TRAPPC9: variants seen among roughly 807,000 people sequenced by gnomAD.
TRAPPC9 encodes the protein IKK2 binding protein.
Under a neutral mutation model 124.0 loss-of-function variants are expected in TRAPPC9, and 83 were observed. That is an observed-to-expected ratio of 0.67 (90% confidence interval 0.56 to 0.80). The LOEUF is 0.80. Among genes scored for constraint, TRAPPC9 ranks in the 30% least tolerant of loss-of-function variants. The probability of loss-of-function intolerance (pLI) is 0.00; values close to 1 mark genes in which losing one functional copy is unlikely to be tolerated. For missense variants in TRAPPC9, 1,302 were observed against 1,508.3 expected (o/e 0.86, Z 2.27); for synonymous variants, 638 against 617.5 (o/e 1.03, Z -0.49).
At chr8:139,871,495 A>G (rs1380527601) in intron 21 of TRAPPC9, among the ~76,000 whole-genome samples, 3 of 152,224 alleles carry the variant, frequency 2.0e-5, no homozygotes, top group Non-Finnish European at 2.9e-5. Flanking sequence ...CACTAGGAGC[A>G]CACCAGTTGG....
chr8:140,367,245 T>C (rs1272804047), intron 8 of TRAPPC9, among the ~76,000 whole-genome samples: 2 of 152,202 alleles, frequency 1.3e-5, no homozygotes, highest in Non-Finnish European at 2.9e-5. Context: ...AGCTGAAAAC[T>C]TATATCCACA....
chr8:140,101,302 AT>A (rs1229458968), intron 17 of TRAPPC9, among the ~76,000 whole-genome samples: 2 of 151,326 alleles, frequency 1.3e-5, no homozygotes, highest in Non-Finnish European at 2.9e-5. Flanking sequence ...ACGATGCCTA[AT>A]TTTTGTATTT....
intron 21 of TRAPPC9, among the ~76,000 whole-genome samples, chr8:139,777,989 A>G (rs1473268019): frequency 6.6e-6 from 1 of 152,118 alleles, no homozygotes; most frequent in Non-Finnish European, 1.5e-5. Flanking sequence ...CTGACGGGGA[A>G]GGAAGGGAGA....
intron 19 of TRAPPC9, among the ~76,000 whole-genome samples, chr8:139,967,955 A>G (rs1200110931): frequency 2.0e-5 from 3 of 152,118 alleles, no homozygotes; most frequent in African/African-American, 7.2e-5. Flanking sequence ...TCTGGCGAAC[A>G]TGGTGAAACC....
intron 2 of TRAPPC9, among the ~76,000 whole-genome samples, chr8:140,450,305 G>A (rs755299334): frequency 1.3e-4 from 20 of 152,256 alleles, no homozygotes; most frequent in Non-Finnish European, 2.2e-4. Context: ...ACGTTGCACT[G>A]AGCCAAGATC....
chr8:140,344,530 G>A (rs944078566), intron 9 of TRAPPC9, among the ~76,000 whole-genome samples: 8 of 152,182 alleles, frequency 5.3e-5, no homozygotes, highest in African/African-American at 1.9e-4. Flanking sequence ...ATCTAGCAAG[G>A]AGGGAGACTG....
At chr8:140,256,119 G>A (rs1588024191) in intron 15 of TRAPPC9, among the ~76,000 whole-genome samples, 4 of 152,154 alleles carry the variant, frequency 2.6e-5, no homozygotes, top group Admixed American at 2.6e-4. Context: ...ACAAAACACT[G>A]GTCGCTTTGG....
At chr8:139,781,298 T>C (rs1441531138) in intron 21 of TRAPPC9, among the ~76,000 whole-genome samples, 3 of 152,052 alleles carry the variant, frequency 2.0e-5, no homozygotes, top group East Asian at 1.9e-4. Context: ...ACTGTACTTA[T>C]AGACAATGAA....
chr8:140,457,883 A>G, upstream of TRAPPC9: 1 of 663,730 alleles, frequency 1.5e-6, no homozygotes, highest in Non-Finnish European at 2.0e-6. Context: ...AGCGAGGGAG[A>G]GAAGAGGGGA....
At chr8:140,236,245 G>A (rs1326528494) in intron 16 of TRAPPC9, among the ~76,000 whole-genome samples, 2 of 152,062 alleles carry the variant, frequency 1.3e-5, no homozygotes, top group Non-Finnish European at 2.9e-5. Flanking sequence ...ACCATGCCCA[G>A]CTAATTTTTA....
At chr8:140,171,312 A>T (rs2061960062) in intron 17 of TRAPPC9, among the ~76,000 whole-genome samples, 1 of 152,254 alleles carries the variant, frequency 6.6e-6, no homozygotes. Flanking sequence ...ATATAGGTAA[A>T]GAAAAATACT....
intron 17 of TRAPPC9, among the ~76,000 whole-genome samples, chr8:140,113,837 T>C (rs551849695): frequency 6.6e-6 from 1 of 152,312 alleles, no homozygotes; most frequent in East Asian, 1.9e-4. Context: ...CAACCTTTAA[T>C]TGGCCCTCAA....
rs934573385 is a variant in TRAPPC9, at chr8:140,212,092, C to A, written c.2556+9367G>T. Among the ~76,000 whole-genome samples, 11 of 152,214 alleles carry A rather than the reference C, an allele frequency of 7.2e-5. No homozygotes were observed. The East Asian group carries it at 2.1e-3, about 29-fold the overall frequency. On this transcript the variant is annotated intron_variant, in intron 17 of 22. Coordinates refer to ENST00000438773, the MANE Select transcript of TRAPPC9 (RefSeq NM_001160372.4). Reference sequence around the variant, plus strand: ...AAAGGAAGTGAGCAAGAAGGCCCAGCCAAGCAAAGAGCCTGCGCTCAGGAC... The same window carrying A: ...AAAGGAAGTGAGCAAGAAGGCCCAGACAAGCAAAGAGCCTGCGCTCAGGAC...
chr8:140,229,452 G>A (rs1191701203), intron 16 of TRAPPC9, among the ~76,000 whole-genome samples: 1 of 151,578 alleles, frequency 6.6e-6, no homozygotes, highest in Non-Finnish European at 1.5e-5. Flanking sequence ...TTTTAGTAGA[G>A]ATGGGGTTTC....
chr8:140,397,817 C>G, intron 6 of TRAPPC9, 72 bp from the exon 7 acceptor site: 6 of 1,590,370 alleles, frequency 3.8e-6, no homozygotes, highest in Non-Finnish European at 5.1e-6. Flanking sequence ...AAAGGCTGTG[C>G]TACTGGGACT....
At chr8:140,033,658 G>GTTTTTTTTTTTTTTTTTTTGT (rs1840652480) in intron 17 of TRAPPC9, among the ~76,000 whole-genome samples, 1 of 42,366 alleles carries the variant, frequency 2.4e-5, no homozygotes. Flanking sequence ...TCATAATGTG[G>GTTTTTTTTTTTTTTTTTTTGT]TTTTTTTTTT....
intron 21 of TRAPPC9, among the ~76,000 whole-genome samples, chr8:139,809,656 C>A (rs999097947): frequency 2.6e-5 from 4 of 152,144 alleles, no homozygotes; most frequent in Non-Finnish European, 1.5e-5. Flanking sequence ...GATCTTCCTG[C>A]TCTCCCTGCA....
chr8:139,990,441 TCA>T (rs905431049), intron 18 of TRAPPC9, among the ~76,000 whole-genome samples: 7 of 151,964 alleles, frequency 4.6e-5, no homozygotes, highest in Non-Finnish European at 1.0e-4. Flanking sequence ...GCCCAGAAGT[TCA>T]CACACACACA....
At chr8:140,060,890 T>C (rs1382773398) in intron 17 of TRAPPC9, among the ~76,000 whole-genome samples, 1 of 152,246 alleles carries the variant, frequency 6.6e-6, no homozygotes, top group African/African-American at 2.4e-5. Context: ...CATGTCCAGA[T>C]GGGCTGAATT....
Sources: allele counts gnomAD v4.1 joint callset (sites outside exome capture counted in the v4.1 genomes callset), GRCh38; gene constraint gnomAD v4.1.1; transcripts MANE v1.5; gene names NCBI Gene and HGNC (gene_info 2026-07-23, HGNC 2026-07-21).